The following WWOX variants were observed in gnomAD, a reference collection of about 807,000 sequenced individuals.
WWOX encodes the protein WW domain-containing oxidoreductase.
A neutral mutation model predicts 46.2 loss-of-function variants in WWOX; 69 were observed. The ratio of observed to expected loss-of-function variants is 1.49; its 90% CI spans 1.23 to 1.82. The LOEUF is 1.82. WWOX is among the 40% of genes most tolerant of loss of function. The probability of loss-of-function intolerance (pLI) is 0.00; values close to 1 mark genes in which losing one functional copy is unlikely to be tolerated. For missense variants in WWOX, 919 were observed against 542.6 expected, an observed-to-expected ratio of 1.69 and a Z score of -6.89; for synonymous variants, 359 against 202.6, an observed-to-expected ratio of 1.77 and a Z score of -6.56.
intron 8 of WWOX, among the ~76,000 whole-genome samples, chr16:78,653,205 C>T (rs2047004299): frequency 6.6e-6 from 1 of 151,854 alleles, no homozygotes; most frequent in Non-Finnish European, 1.5e-5. Context: ...CTTGAAAAAA[C>T]ATACTAGTAA....
chr16:78,639,341 CT>C (rs1164588933), intron 8 of WWOX, among the ~76,000 whole-genome samples: 1 of 152,162 alleles, frequency 6.6e-6, no homozygotes, highest in African/African-American at 2.4e-5. Flanking sequence ...GGGCTCACAC[CT>C]TGCCGTATAT....
intron 5 of WWOX, among the ~76,000 whole-genome samples, chr16:78,319,296 T>A (rs574628574): frequency 1.3e-5 from 2 of 151,540 alleles, no homozygotes; most frequent in East Asian, 3.9e-4. Context: ...TATTTTCTTA[T>A]TTATTTTTGA....
chr16:78,580,403 C>A (rs1208638671), intron 8 of WWOX, among the ~76,000 whole-genome samples: 1 of 152,176 alleles, frequency 6.6e-6, no homozygotes, highest in African/African-American at 2.4e-5. Flanking sequence ...CAATGCTGAG[C>A]ACCAATTACA....
At chr16:78,340,098 C>G (rs1348293135) in intron 5 of WWOX, among the ~76,000 whole-genome samples, 2 of 94,934 alleles carry the variant, frequency 2.1e-5, no homozygotes, top group East Asian at 5.0e-4. Context: ...ACTCTTTTAA[C>G]TCTCTGATGT....
rs537642648 is a variant in WWOX at position 78,937,448 on chromosome 16, C to CTTTTTTTTTTTT, written c.1057-274145_1057-274134dup. Among the ~76,000 whole-genome samples, 41 of 81,992 alleles carry CTTTTTTTTTTTT rather than the reference C, an allele frequency of 5.0e-4. 5 individuals are homozygous for CTTTTTTTTTTTT. The highest frequency in any genetic ancestry group is 2.1e-3 in the African/African-American group (41 of 19,120). 53.8% of individuals were successfully genotyped at this position (81,992 alleles called of 152,430 possible). On this transcript the variant is annotated intron_variant, in intron 8 of 8. Transcript: ENST00000566780. Reference sequence around the variant, plus strand: ...TTAGAGAACTTTGTATTTGTATTAACTTTTTTTTTTTTTTTTTTTTTTTTT... The same window carrying CTTTTTTTTTTTT: ...TTAGAGAACTTTGTATTTGTATTAACTTTTTTTTTTTTTTTTTTTTTTTTTTTTTTTTTTTTT...
At chr16:78,860,556 G>C (rs1046685704) in intron 8 of WWOX, among the ~76,000 whole-genome samples, 3 of 152,178 alleles carry the variant, frequency 2.0e-5, no homozygotes, top group African/African-American at 7.2e-5. Flanking sequence ...AAGAGGGAAA[G>C]ATACTGTGAA....
At chr16:79,011,459 TTTTATTTATTTA>T (rs56691445) in intron 8 of WWOX, among the ~76,000 whole-genome samples, 2,471 of 131,992 alleles carry the variant, frequency 0.019, 50 homozygotes, top group South Asian at 0.098. Context: ...TTATTTTTTA[TTTTATTTATTTA>T]TTTATTTATT....
intron 4 of WWOX, among the ~76,000 whole-genome samples, chr16:78,126,724 A>G (rs2033377872): frequency 1.3e-5 from 2 of 152,180 alleles, no homozygotes; most frequent in South Asian, 2.1e-4. Flanking sequence ...CATCTTGTCT[A>G]TTATGCCAGC....
At chr16:79,094,690 C>G (rs751078416) in intron 8 of WWOX, among the ~76,000 whole-genome samples, 3 of 151,614 alleles carry the variant, frequency 2.0e-5, no homozygotes, top group African/African-American at 7.3e-5. Context: ...AAAATATGTA[C>G]AAGGATACAT....
chr16:78,903,069 C>G (rs1263760565), intron 8 of WWOX, among the ~76,000 whole-genome samples: 1 of 152,146 alleles, frequency 6.6e-6, no homozygotes, highest in Non-Finnish European at 1.5e-5. Flanking sequence ...GCAACAAAAG[C>G]TGAGGTTTAT....
intron 8 of WWOX, among the ~76,000 whole-genome samples, chr16:78,971,647 C>G (rs1473718407): frequency 6.6e-6 from 1 of 151,700 alleles, no homozygotes; most frequent in Non-Finnish European, 1.5e-5. Context: ...TTACAATATC[C>G]CTTATATTCC....
rs191345929 is a variant in WWOX at position 79,028,719 on chromosome 16, C to T, written c.1057-182889C>T. On this transcript the variant is annotated intron_variant, in intron 8 of 8. Coordinates refer to ENST00000566780, the MANE Select transcript of WWOX (RefSeq NM_016373.4). ...AAAGCAAATTGAATAAATTTACTCT[C>T]TAAACTTCTTTCCACAAGAGTAGGT... 3.9e-5 allele frequency among the ~76,000 whole-genome samples: 6 copies of T among 151,946 alleles called. No individual in the cohort carries two copies. The East Asian group carries it at 7.7e-4, about 20-fold the overall frequency.
chr16:78,432,317 G>C (rs1324614097), intron 7 of WWOX, among the ~76,000 whole-genome samples, 171 bp from the exon 8 acceptor site: 3 of 151,958 alleles, frequency 2.0e-5, no homozygotes, highest in Non-Finnish European at 2.9e-5. Flanking sequence ...TGTTGGCCAG[G>C]CTGGTCTTGA....
At chr16:79,109,356 C>T (rs1015474743) in intron 8 of WWOX, among the ~76,000 whole-genome samples, 1 of 152,128 alleles carries the variant, frequency 6.6e-6, no homozygotes, top group African/African-American at 2.4e-5. Context: ...AGACTACCTC[C>T]ACTAGCTAAG....
chr16:79,040,881 G>A (rs970325411), intron 8 of WWOX, among the ~76,000 whole-genome samples: 1 of 152,084 alleles, frequency 6.6e-6, no homozygotes, highest in African/African-American at 2.4e-5. Context: ...CTGTTGCCCA[G>A]CCAATTTGCC....
intron 8 of WWOX, among the ~76,000 whole-genome samples, chr16:78,679,682 A>G (rs1347678003): frequency 6.6e-6 from 1 of 152,240 alleles, no homozygotes; most frequent in Non-Finnish European, 1.5e-5. Flanking sequence ...TATTGTTTTC[A>G]TATAAATCAT....
Position 78,425,009 on chromosome 16 carries a change from C to G in WWOX, c.745C>G (p.Arg249Gly), listed in dbSNP as rs749277249. The change falls in exon 7 of 9, where the codon CGC becomes GGC. Residue 249 changes from arginine to glycine, a missense_variant. By Grantham distance (125) the Arg-to-Gly change is moderately radical. Transcript: ENST00000566780. Reference protein sequence around the residue: ...LVQLLQDVLCRSAPARVIVVS... With the variant: ...LVQLLQDVLCGSAPARVIVVS... ...CCAGCTCCTCCAGGATGTTTTGTGCCGCTCAGCTCCTGCCCGTGTCATTGT... is the reference window on the plus strand; with the variant it reads ...CCAGCTCCTCCAGGATGTTTTGTGCGGCTCAGCTCCTGCCCGTGTCATTGT... 1.2e-6 allele frequency: 2 copies of G among 1,613,944 alleles called. No individual in the cohort carries two copies. Among genetic ancestry groups the G allele is most frequent in the African/African-American group, 1.3e-5 (1 of 74,902 alleles).
At chr16:78,175,094 A>G (rs946857942) in intron 5 of WWOX, among the ~76,000 whole-genome samples, 1 of 152,052 alleles carries the variant, frequency 6.6e-6, no homozygotes, top group Non-Finnish European at 1.5e-5. Context: ...GGCCCCTTCC[A>G]TCCGTAGAGG....
chr16:78,267,604 G>A (rs947217111), intron 5 of WWOX, among the ~76,000 whole-genome samples: 15 of 152,186 alleles, frequency 9.9e-5, no homozygotes, highest in Non-Finnish European at 2.1e-4. Flanking sequence ...CCTTGGCAGC[G>A]AAATCCAGGC....
Sources: allele counts gnomAD v4.1 joint callset (sites outside exome capture counted in the v4.1 genomes callset), GRCh38; gene constraint gnomAD v4.1.1; transcripts MANE v1.5; gene names NCBI Gene and HGNC (gene_info 2026-07-23, HGNC 2026-07-21).